Variants in RBFOX3 observed in about 807,000 individuals in gnomAD.
The protein encoded by RBFOX3 is RNA binding fox-1 homolog 3, also known as RNA binding protein fox-1 homolog 3.
In RBFOX3, 17 loss-of-function variants were observed where a neutral mutation model predicts 48.7. The observed-to-expected ratio is 0.35, with a 90% CI of 0.24 to 0.52. The LOEUF (loss-of-function observed/expected upper bound fraction) is 0.52. RBFOX3 is among the 20% of genes least tolerant of loss of function. The pLI is 0.94. For synonymous variants in RBFOX3, 212 were observed against 209.5 expected, an observed-to-expected ratio of 1.01 and a Z score of -0.10; for missense variants, 382 against 497.5, an observed-to-expected ratio of 0.77 and a Z score of 2.21.
At chr17:79,603,190 C>T (rs2093747708) in intron 1 of RBFOX3, among the ~76,000 whole-genome samples, 1 of 152,116 alleles carries the variant, frequency 6.6e-6, no homozygotes, top group Admixed American at 6.5e-5. Flanking sequence ...TGGGGTTTCA[C>T]CATGTTGACC....
At chr17:79,385,681 C>A (rs1045555412) in intron 2 of RBFOX3, among the ~76,000 whole-genome samples, 1 of 152,226 alleles carries the variant, frequency 6.6e-6, no homozygotes, top group Non-Finnish European at 1.5e-5. Flanking sequence ...GGCTCCAGTA[C>A]CTCCTGTGAC....
chr17:79,656,773 G>GAGAGAGAGAGACA, the RBFOX3 span, among the ~76,000 whole-genome samples: 16 of 83,670 alleles, frequency 1.9e-4, no homozygotes, highest in East Asian at 1.1e-3. Context: ...AAGGAAGGAA[G>GAGAGAGAGAGACA]GAAGGAAAGA....
chr17:79,184,755 CAGTG>C (rs1224518288), intron 4 of RBFOX3, among the ~76,000 whole-genome samples: 1 of 152,270 alleles, frequency 6.6e-6, no homozygotes, highest in East Asian at 1.9e-4. Flanking sequence ...TCACTGCAGA[CAGTG>C]AGCCCTGAGC....
chr17:79,106,691 G>A lies in RBFOX3; in HGVS notation c.320C>T (p.Pro107Leu), dbSNP rs1172452587. 6.7e-7 allele frequency: 1 copy of A among 1,490,594 alleles called. No individual in the cohort carries two copies. The highest frequency in any genetic ancestry group is 8.9e-7 in the Non-Finnish European group (1 of 1,124,704). 92.3% of individuals were successfully genotyped at this position (1,490,594 alleles called of 1,614,324 possible). ...CAAGTCGGGGTCCCTGAACCGGAAGGGGATGTTGGAGACGTGTAGCCGCTT... is the reference window on the plus strand; with the variant it reads ...CAAGTCGGGGTCCCTGAACCGGAAGAGGATGTTGGAGACGTGTAGCCGCTT... ...QPKRLHVSNI[P>L]FRFRDPDLRQ... Residue 107 changes from proline to leucine, a missense_variant, in exon 6 of 15, where the codon CCC becomes CTC. Physicochemically the swap from Pro to Leu is moderately conservative, Grantham distance 98 (BLOSUM62 -3). Coordinates refer to ENST00000693108, the MANE Select transcript of RBFOX3 (RefSeq NM_001350451.2).
intron 5 of RBFOX3, 43 bp from the exon 6 acceptor site, chr17:79,106,831 G>A (rs770197699): frequency 4.9e-5 from 73 of 1,478,604 alleles, no homozygotes; most frequent in Non-Finnish European, 6.2e-5. Context: ...CTCTGTGTGC[G>A]GGGTTGCCCA....
At chr17:79,101,303 C>A (rs771898160) in intron 9 of RBFOX3, among the ~76,000 whole-genome samples, 1 of 152,220 alleles carries the variant, frequency 6.6e-6, no homozygotes, top group Non-Finnish European at 1.5e-5. Flanking sequence ...GAAGCCTGCA[C>A]GTGTGGCCTC....
chr17:79,461,186 C>G (rs1555748586), intron 2 of RBFOX3, among the ~76,000 whole-genome samples: 5 of 152,166 alleles, frequency 3.3e-5, no homozygotes, highest in African/African-American at 1.2e-4. Flanking sequence ...TCCTGAGGAC[C>G]CAGCGTGATG....
At chr17:79,270,079 G>A (rs539031150) in intron 3 of RBFOX3, among the ~76,000 whole-genome samples, 7 of 152,048 alleles carry the variant, frequency 4.6e-5, no homozygotes, top group South Asian at 4.2e-4. Flanking sequence ...CCACCCTCTC[G>A]CTGGTCTTCC....
intron 3 of RBFOX3, among the ~76,000 whole-genome samples, chr17:79,283,065 GT>G (rs2070961112): frequency 6.6e-6 from 1 of 151,754 alleles, no homozygotes; most frequent in South Asian, 2.1e-4. Context: ...GGCCTGGAAA[GT>G]TTTCATTTTC....
chr17:79,283,156 C>T (rs2070989650), intron 3 of RBFOX3, among the ~76,000 whole-genome samples: 1 of 152,134 alleles, frequency 6.6e-6, no homozygotes, highest in Non-Finnish European at 1.5e-5. Flanking sequence ...CAGGAGCAGC[C>T]TCCGTTAGTA....
chr17:79,442,010 A>T (rs2071028059), intron 2 of RBFOX3, among the ~76,000 whole-genome samples: 1 of 151,890 alleles, frequency 6.6e-6, no homozygotes, highest in Non-Finnish European at 1.5e-5. Context: ...TCTGGGCTCC[A>T]GCCCCAAACT....
intron 4 of RBFOX3, among the ~76,000 whole-genome samples, chr17:79,164,651 G>A (rs1004851187): frequency 2.0e-5 from 3 of 152,342 alleles, no homozygotes; most frequent in African/African-American, 4.8e-5. Flanking sequence ...CGCATTCCTC[G>A]GTTCATGGAG....
intron 2 of RBFOX3, among the ~76,000 whole-genome samples, chr17:79,401,542 G>T (rs1007948848): frequency 2.0e-5 from 3 of 152,182 alleles, no homozygotes; most frequent in Admixed American, 1.3e-4. Context: ...CCTGCCTTCA[G>T]TGCAGAGGGA....
intron 1 of RBFOX3, among the ~76,000 whole-genome samples, chr17:79,484,490 AGGGGCCTGGGTGCAG>A (rs1275985481): frequency 3.0e-4 from 18 of 59,346 alleles, no homozygotes; most frequent in African/African-American, 8.3e-4. Flanking sequence ...GCCTGGGTGC[AGGGGCCTGGGTGCAG>A]GGGGCCTGGG....
Position 79,417,365 on chromosome 17 carries a change from A to G in RBFOX3, c.-175+65089T>C, listed in dbSNP as rs190127279. ...TGGCTCTGCAGTTCTTGAGGACATC[A>G]GAGAGGACACCCCTGGCCCTGTCAC... On this transcript the variant is annotated intron_variant, in intron 2 of 14. Coordinates refer to ENST00000693108, the MANE Select transcript of RBFOX3 (RefSeq NM_001350451.2). Among the ~76,000 whole-genome samples the G allele has an allele frequency of 2.3e-4, 35 of 152,344 alleles. No homozygotes were observed. The East Asian group carries it at 6.6e-3, about 29-fold the overall frequency.
chr17:79,223,801 GC>G (rs1052100965), intron 4 of RBFOX3, among the ~76,000 whole-genome samples: 1 of 152,234 alleles, frequency 6.6e-6, no homozygotes, highest in East Asian at 1.9e-4. Context: ...GTGGCAGTGC[GC>G]CCCCCCTACA....
At chr17:79,223,097 A>G (rs1254635102) in intron 4 of RBFOX3, among the ~76,000 whole-genome samples, 1 of 152,032 alleles carries the variant, frequency 6.6e-6, no homozygotes, top group Non-Finnish European at 1.5e-5. Flanking sequence ...TGGCCACTCC[A>G]TCACCCTCGA....
chr17:79,377,595 C>T (rs1238085927), intron 2 of RBFOX3, among the ~76,000 whole-genome samples: 2 of 152,206 alleles, frequency 1.3e-5, no homozygotes, highest in Non-Finnish European at 1.5e-5. Context: ...TGCACTCAGG[C>T]GGTTCCACGG....
At chr17:79,287,044 C>G (rs949918095) in intron 3 of RBFOX3, among the ~76,000 whole-genome samples, 1 of 152,256 alleles carries the variant, frequency 6.6e-6, no homozygotes. Flanking sequence ...GCGGCCCTGA[C>G]GCAGCTCGAG....
Sources: gnomAD v4.1 joint callset for allele counts (sites outside exome capture counted in the v4.1 genomes callset) on GRCh38, gnomAD v4.1.1 for gene constraint, MANE v1.5 for transcripts, NCBI Gene and HGNC (gene_info 2026-07-23, HGNC 2026-07-21) for gene names.